CTPS1: variants seen among roughly 807,000 people sequenced by gnomAD.
CTPS1 encodes the protein CTP synthase 1, also known as CTP synthetase 1.
CTPS1 carries 25 observed loss-of-function variants against 80.5 expected under a neutral mutation model. That is an observed-to-expected ratio of 0.31 (90% CI 0.23 to 0.43). The LOEUF is 0.43. Ranked by LOEUF, CTPS1 falls within the 20% of genes least tolerant of loss-of-function variation. The pLI is 1.00. For missense variants in CTPS1, 442 were observed against 725.7 expected, an observed-to-expected ratio of 0.61 and a Z score of 4.49; for synonymous variants, 267 against 252.5, an observed-to-expected ratio of 1.06 and a Z score of -0.54.
At position 41,009,452 on chromosome 1, in the gene CTPS1, CTT is replaced by C; in HGVS notation, c.1559_1560del (p.Phe520CysfsTer8). 6.4e-7 allele frequency: 1 copy of C among 1,569,760 alleles called. No homozygotes were observed. Among genetic ancestry groups the C allele is most frequent in the East Asian group, 2.3e-5 (1 of 43,804 alleles). ...MEIVELEDHP[F>X]FVGVQYHPEF... ...TTTGAATCTCTATTTCAGATCATCC[CTT>C]TTTTGTTGGGGTTCAGTACCACCCT... On this transcript the variant is annotated frameshift_variant, in exon 17 of 19. Coordinates refer to ENST00000650070, the MANE Select transcript of CTPS1 (RefSeq NM_001905.4). LOFTEE classifies it high-confidence loss of function.
At chr1:41,001,727 T>C (rs1642909238) in intron 10 of CTPS1, 3 of 168,170 alleles carry the variant, frequency 1.8e-5, no homozygotes, top group East Asian at 1.6e-4. Context: ...CCAGGCAACA[T>C]AGGGAGACCC....
intron 5 of CTPS1, 77 bp downstream of exon 5, chr1:40,988,787 T>C: frequency 1.0e-6 from 1 of 962,936 alleles, no homozygotes; most frequent in Non-Finnish European, 1.7e-6. Flanking sequence ...TGATTTTCAC[T>C]CATTGTCTAG....
intron 8 of CTPS1, among the ~76,000 whole-genome samples, chr1:40,996,370 C>T (rs1410740623): frequency 2.0e-5 from 3 of 152,046 alleles, no homozygotes; most frequent in Admixed American, 6.6e-5. Context: ...CTGGTGGCAG[C>T]GGGTGAGTGT....
chr1:40,979,938 G>T (rs1465400660), intron 1 of CTPS1, 109 bp downstream of exon 1: 4 of 152,178 alleles, frequency 2.6e-5, no homozygotes, highest in Non-Finnish European at 5.9e-5. Context: ...GACGGACGTC[G>T]CTCCTACCAA....
intron 4 of CTPS1, among the ~76,000 whole-genome samples, chr1:40,988,139 C>G (rs760185003): frequency 1.3e-5 from 2 of 152,160 alleles, no homozygotes; most frequent in Non-Finnish European, 2.9e-5. Context: ...GTCTCTAACT[C>G]CTGAACTCAA....
At chr1:41,005,699 G>T (rs556389809) in intron 12 of CTPS1, among the ~76,000 whole-genome samples, 2 of 152,234 alleles carry the variant, frequency 1.3e-5, no homozygotes, top group African/African-American at 2.4e-5. Context: ...TTGAGCCCAG[G>T]TGTTTGAGAC....
chr1:41,003,609 G>A (rs779789823), intron 12 of CTPS1, among the ~76,000 whole-genome samples: 1 of 152,108 alleles, frequency 6.6e-6, no homozygotes, highest in Non-Finnish European at 1.5e-5. Context: ...ATGGGCCTCC[G>A]TTTTTTCTGT....
In CTPS1 at chr1:40,993,714, G is replaced by A. The variant is rs147133600; in HGVS notation, c.720+1869G>A. Among the ~76,000 whole-genome samples the A allele has an allele frequency of 4.0e-4, 60 of 151,098 alleles. 1 individual carries two copies. Among genetic ancestry groups the A allele is most frequent in the African/African-American group, 1.4e-3 (59 of 41,176 alleles). ...TAGTCTGAATACAAGTCTTTCATCA[G>A]GTATGTGATTTTCACATATTTTCTC... is the stretch of plus-strand genomic sequence containing the variant. On this transcript the variant is annotated intron_variant, in intron 7 of 18. Coordinates refer to ENST00000650070, the MANE Select transcript of CTPS1 (RefSeq NM_001905.4).
chr1:40,989,030 T>C (rs55731339), intron 5 of CTPS1, among the ~76,000 whole-genome samples: 2,723 of 152,178 alleles, frequency 0.018, 100 homozygotes, highest in African/African-American at 0.063. Context: ...GTAACAAAAA[T>C]TGGGAAGCCG....
At chr1:41,004,796 G>C (rs1364054469) in intron 12 of CTPS1, among the ~76,000 whole-genome samples, 1 of 152,134 alleles carries the variant, frequency 6.6e-6, no homozygotes, top group African/African-American at 2.4e-5. Flanking sequence ...AATAGTACTT[G>C]TTTATCTCAG....
At chr1:41,003,312 AG>A in intron 12 of CTPS1, 136 bp downstream of exon 12, 1 of 881,150 alleles carries the variant, frequency 1.1e-6, no homozygotes, top group Non-Finnish European at 1.8e-6. Context: ...GTGTGCCGTA[AG>A]GGAGCTGCCT....
chr1:40,988,968 C>T (rs531767380), intron 5 of CTPS1, among the ~76,000 whole-genome samples: 42 of 152,210 alleles, frequency 2.8e-4, no homozygotes, highest in Non-Finnish European at 3.1e-4. Flanking sequence ...TATGGTGGAA[C>T]TAGAGTAAAG....
chr1:41,008,947 T>C, intron 16 of CTPS1, 57 bp downstream of exon 16: 1 of 1,331,664 alleles, frequency 7.5e-7, no homozygotes, highest in Non-Finnish European at 1.1e-6. Context: ...TCTTGGCATA[T>C]GGGAAAATAT....
intron 6 of CTPS1, 79 bp from the exon 7 acceptor site, chr1:40,991,684 CTG>C: frequency 1.1e-6 from 1 of 900,116 alleles, no homozygotes; most frequent in East Asian, 2.5e-5. Context: ...AATGTGATGT[CTG>C]TTTTAATTTC....
intron 18 of CTPS1, among the ~76,000 whole-genome samples, chr1:41,011,364 T>C (rs74071105): frequency 0.012 from 1,882 of 152,350 alleles, 45 homozygotes; most frequent in African/African-American, 0.043. Context: ...GTCAGTTACA[T>C]GGAATTTCTG....
In CTPS1 at chr1:40,996,041, T is replaced by G; in HGVS notation, c.845T>G (p.Leu282Arg). 1 of 1,614,160 alleles carries G rather than the reference T, an allele frequency of 6.2e-7. No homozygotes were observed. Among genetic ancestry groups the G allele is most frequent in the Non-Finnish European group, 8.5e-7 (1 of 1,180,008 alleles). Residue 282 changes from leucine (L) to arginine (R), a missense_variant, in exon 8 of 19, where the codon CTG (leucine) becomes CGG (arginine). Leu to Arg is a moderately radical substitution (Grantham distance 102). Coordinates refer to ENST00000650070, the MANE Select transcript of CTPS1 (RefSeq NM_001905.4). ...ATTGAGAGGCAGCCAAGAAAAATGCTGATGAAATGGAAAGAGATGGCTGAC... is the reference window on the plus strand; with the variant it reads ...ATTGAGAGGCAGCCAAGAAAAATGCGGATGAAATGGAAAGAGATGGCTGAC... ...LPIERQPRKM[L>R]MKWKEMADRY...
intron 2 of CTPS1, among the ~76,000 whole-genome samples, chr1:40,983,798 T>A (rs1382138182): frequency 6.6e-6 from 1 of 152,032 alleles, no homozygotes; most frequent in Non-Finnish European, 1.5e-5. Flanking sequence ...AATTTCTAAA[T>A]TTTTTGTACA....
intron 7 of CTPS1, among the ~76,000 whole-genome samples, 163 bp downstream of exon 7, chr1:40,992,008 A>G (rs991670390): frequency 6.6e-6 from 1 of 152,118 alleles, no homozygotes; most frequent in African/African-American, 2.4e-5. Flanking sequence ...TGGTTCCCCA[A>G]ACAACACCTG....
chr1:40,984,348 A>G lies in CTPS1; in HGVS notation c.167-473A>G, dbSNP rs1347370957. Among the ~76,000 whole-genome samples the G allele has an allele frequency of 2.6e-5, 4 of 152,262 alleles. No homozygotes were observed. In the East Asian group the frequency reaches 5.8e-4, roughly 22 times the overall value. On this transcript the variant is annotated intron_variant, in intron 2 of 18. Transcript: ENST00000650070. Reference sequence around the variant, plus strand: ...TGGGGTAAATATGTGCAGTTTCACAAAGTTGTTTAGAACAAAAGCAGAGCT... The same window carrying G: ...TGGGGTAAATATGTGCAGTTTCACAGAGTTGTTTAGAACAAAAGCAGAGCT...
Sources: allele counts gnomAD v4.1 joint callset (sites outside exome capture counted in the v4.1 genomes callset), GRCh38; gene constraint gnomAD v4.1.1; transcripts MANE v1.5; gene names NCBI Gene and HGNC (gene_info 2026-07-23, HGNC 2026-07-21).